The following CNOT1 variants were observed in gnomAD, a reference collection of about 807,000 sequenced individuals.
CNOT1 encodes CCR4-NOT transcription complex subunit 1, also known as CCR4-associated factor 1.
CNOT1 carries 15 observed loss-of-function variants against 273.8 expected under a neutral mutation model. The ratio of observed to expected loss-of-function variants is 0.05; its 90% CI spans 0.04 to 0.08. CNOT1 has a LOEUF of 0.08. Among genes scored for constraint, CNOT1 ranks in the 10% least tolerant of loss-of-function variants. CNOT1 has a pLI of 1.00. For missense variants in CNOT1, 1,644 were observed against 2,912.2 expected (o/e 0.56, Z 10.02); for synonymous variants, 1,022 against 1,005.5 (o/e 1.02, Z -0.31).
At chr16:58,554,833 G>A (rs985208717) in intron 21 of CNOT1, among the ~76,000 whole-genome samples, 2 of 151,136 alleles carry the variant, frequency 1.3e-5, no homozygotes, top group African/African-American at 2.4e-5. Flanking sequence ...CTACTTGAGA[G>A]GCTGAGGCAG....
At chr16:58,577,836 CCTCT>C (rs1299662234) in intron 13 of CNOT1, among the ~76,000 whole-genome samples, 2 of 146,216 alleles carry the variant, frequency 1.4e-5, no homozygotes, top group Middle Eastern at 3.5e-3. Flanking sequence ...CAAGCAAGAT[CCTCT>C]CTCTCAAAAA....
Position 58,574,677 on chromosome 16 carries a change from C to A in CNOT1, c.1911G>T (p.Gln637His). 1 of 1,610,124 alleles carries A rather than the reference C, an allele frequency of 6.2e-7. No homozygotes were observed. Among genetic ancestry groups the A allele is most frequent in the Non-Finnish European group, 8.5e-7 (1 of 1,179,372 alleles). Residue 637 changes from glutamine to histidine, a missense_variant, in exon 16 of 49, where the codon CAG becomes CAT. Gln to His is a conservative substitution (Grantham distance 24). Transcript: ENST00000317147. ...CTGGAGGAAGTTGAGCACTTTTGGG[C>A]TGGTCTTTTTCTGGGGCAAGTCCGC... ...ILGGLAPEKD[Q>H]PKSAQLPPET...
intron 16 of CNOT1, among the ~76,000 whole-genome samples, chr16:58,568,386 C>A (rs536757732): frequency 7.1e-6 from 1 of 140,212 alleles, no homozygotes; most frequent in Non-Finnish European, 1.6e-5. Flanking sequence ...AAAAAAAAAT[C>A]TGTAAAGAAA....
At chr16:58,581,269 C>T in intron 11 of CNOT1, 76 bp downstream of exon 11, 1 of 1,464,546 alleles carries the variant, frequency 6.8e-7, no homozygotes, top group Non-Finnish European at 9.1e-7. Context: ...ATATTTCGAT[C>T]AATGGGTAGA....
In CNOT1 at chr16:58,520,765, CAAAA is replaced by C; in HGVS notation, c.*189_*192del. 1.7e-6 allele frequency: 1 copy of C among 596,022 alleles called. No individual in the cohort carries two copies. Among genetic ancestry groups the C allele is most frequent in the Non-Finnish European group, 2.9e-6 (1 of 340,824 alleles). The allele number at this position is 596,022 out of a possible 1,614,324, so 36.9% of individuals were successfully genotyped here. A position where few individuals can be genotyped will look rare whatever the true frequency, so the allele number is the denominator to read the frequency against. On this transcript the variant is annotated 3_prime_UTR_variant, in exon 49 of 49. Transcript: ENST00000317147. The stretch of plus-strand genomic sequence containing the variant: ...CATCTTCTAAATTTTGGCCAAGAGT[CAAAA>C]AAATGCATTTAAACTTTGGAACGTG...
In CNOT1 at chr16:58,547,800, G is replaced by GC; in HGVS notation, c.3523-119dup. The GC allele has an allele frequency of 1.1e-6, 1 of 951,482 alleles. No individual in the cohort carries two copies. The highest frequency in any genetic ancestry group is 1.5e-6 in the Non-Finnish European group (1 of 664,988). The allele number at this position is 951,482 out of a possible 1,614,324, so 58.9% of individuals were successfully genotyped here. A position where few individuals can be genotyped will look rare whatever the true frequency, so the allele number is the denominator to read the frequency against. ...GACAAGTCATCATTTCTAAGAACAG[G>GC]CCCCAAAGTAGAATTACTCTGTATA... is the stretch of plus-strand genomic sequence containing the variant. On this transcript the variant is annotated intron_variant, in intron 25 of 48. Coordinates refer to ENST00000317147, the MANE Select transcript of CNOT1 (RefSeq NM_016284.5). This position sits in a 1 kb window ranked among gnomAD's most constrained non-coding sequence, Gnocchi z 4.0.
chr16:58,618,703 C>G (rs2043188292), intron 1 of CNOT1, among the ~76,000 whole-genome samples: 1 of 149,868 alleles, frequency 6.7e-6, no homozygotes. Context: ...AGCATGATGA[C>G]TGGGTGTTCA....
At chr16:58,627,642 G>A (rs1008411821) in intron 1 of CNOT1, among the ~76,000 whole-genome samples, 5 of 151,328 alleles carry the variant, frequency 3.3e-5, no homozygotes, top group African/African-American at 7.3e-5. Flanking sequence ...TCTAAACCCC[G>A]AAGAGAAATT....
chr16:58,530,462 T>C (rs976943974), intron 42 of CNOT1, 115 bp from the exon 43 acceptor site: 11 of 643,514 alleles, frequency 1.7e-5, no homozygotes, highest in Non-Finnish European at 2.8e-5. Context: ...AAGTAGAGAA[T>C]ACTAATGTTA....
At chr16:58,594,364 G>T (rs192162264) in intron 2 of CNOT1, among the ~76,000 whole-genome samples, 171 of 152,302 alleles carry the variant, frequency 1.1e-3, no homozygotes, top group African/African-American at 4.0e-3. Context: ...TGGTCACTAA[G>T]GGCTAGACAG....
At chr16:58,626,788 G>A (rs4784962) in intron 1 of CNOT1, among the ~76,000 whole-genome samples, 47,869 of 150,802 alleles carry the variant, frequency 0.32, 9,508 homozygotes, top group Non-Finnish European at 0.45. Flanking sequence ...TACTATTTTT[G>A]TTAATGTGGG....
chr16:58,540,761 G>A (rs972054842), intron 34 of CNOT1, among the ~76,000 whole-genome samples: 1 of 152,176 alleles, frequency 6.6e-6, no homozygotes, highest in African/African-American at 2.4e-5. Context: ...AAGGAAAAAG[G>A]TTTTGTAAGA....
At chr16:58,539,693 T>G in intron 35 of CNOT1, 75 bp downstream of exon 35, 1 of 1,378,634 alleles carries the variant, frequency 7.3e-7, no homozygotes, top group South Asian at 1.6e-5. Context: ...ACTGCATAAA[T>G]ATGTAGATGG....
chr16:58,532,503 G>A (rs1049547716), intron 40 of CNOT1, 108 bp from the exon 41 acceptor site: 1 of 1,468,734 alleles, frequency 6.8e-7, no homozygotes, highest in East Asian at 2.4e-5. Flanking sequence ...TTAAAGGAAA[G>A]CATATATACA....
chr16:58,564,953 A>T (rs371895030), intron 16 of CNOT1, among the ~76,000 whole-genome samples: 2 of 152,230 alleles, frequency 1.3e-5, no homozygotes, highest in East Asian at 3.9e-4. Flanking sequence ...ATAAATAAAT[A>T]ATAAATAAAT....
At chr16:58,590,284 G>A (rs1284146600) in intron 2 of CNOT1, among the ~76,000 whole-genome samples, 2 of 152,168 alleles carry the variant, frequency 1.3e-5, no homozygotes, top group Non-Finnish European at 2.9e-5. Flanking sequence ...AAGTCTATGA[G>A]TTGAAGAATC....
chr16:58,577,133 A>C (rs372092589), intron 13 of CNOT1, among the ~76,000 whole-genome samples: 1 of 152,074 alleles, frequency 6.6e-6, no homozygotes, highest in African/African-American at 2.4e-5. Flanking sequence ...TTTCAGAAAC[A>C]ACGATGAATG....
intron 2 of CNOT1, among the ~76,000 whole-genome samples, chr16:58,592,614 G>A (rs190391857): frequency 3.3e-5 from 5 of 152,232 alleles, no homozygotes; most frequent in African/African-American, 1.2e-4. Context: ...GTAGTCCAGA[G>A]AGGTCCTTCT....
intron 2 of CNOT1, among the ~76,000 whole-genome samples, chr16:58,592,587 T>A (rs1330761947): frequency 2.6e-5 from 4 of 152,080 alleles, no homozygotes; most frequent in African/African-American, 9.7e-5. Context: ...AGACTCCATC[T>A]CCCTAAAACA....
Sources: allele counts gnomAD v4.1 joint callset (sites outside exome capture counted in the v4.1 genomes callset), GRCh38; gene constraint gnomAD v4.1.1; non-coding constraint Gnocchi (gnomAD v3.1); transcripts MANE v1.5; gene names NCBI Gene and HGNC (gene_info 2026-07-23, HGNC 2026-07-21).